Variants in VPS9D1 observed in about 807,000 individuals in gnomAD.
VPS9D1 encodes VPS9 domain containing 1, also known as VPS9 domain-containing protein 1.
VPS9D1 carries 78 observed loss-of-function variants against 75.8 expected under a neutral mutation model. The observed-to-expected ratio is 1.03, with a 90% CI of 0.86 to 1.24. The LOEUF is 1.24. VPS9D1 is among the 50% of genes most tolerant of loss of function. The pLI is 0.00. For synonymous variants in VPS9D1, 481 were observed against 385.6 expected (o/e 1.25, Z -2.90); for missense variants, 1,057 against 847.7 (o/e 1.25, Z -3.07).
In VPS9D1 at chr16:89,707,513, G is replaced by A. The variant is rs1023386529; in HGVS notation, c.*348C>T. On this transcript the variant is annotated 3_prime_UTR_variant, in exon 15 of 15. Transcript: ENST00000389386. ...CCCCCTCTTCCCTGATGCTCCCCAGGAGCTGCCCCAGCCAGATGTTCATCG... is the reference window on the plus strand; with the variant it reads ...CCCCCTCTTCCCTGATGCTCCCCAGAAGCTGCCCCAGCCAGATGTTCATCG... 4.8e-6 allele frequency: 1 copy of A among 207,248 alleles called. No individual in the cohort carries two copies. The highest frequency in any genetic ancestry group is 9.7e-6 in the Non-Finnish European group (1 of 102,934). The allele number at this position is 207,248 out of a possible 1,614,324, so 12.8% of individuals were successfully genotyped here. A position where few individuals can be genotyped will look rare whatever the true frequency, so the allele number is the denominator to read the frequency against.
In VPS9D1 at chr16:89,716,583, T is replaced by C. The variant is rs769487104; in HGVS notation, c.310A>G (p.Ile104Val). 1.9e-6 allele frequency: 3 copies of C among 1,613,640 alleles called. No homozygotes were observed. The highest frequency in any genetic ancestry group is 2.7e-5 in the African/African-American group (2 of 74,890). The change falls in exon 4 of 15, where the codon ATT (isoleucine) becomes GTT (valine). Residue 104 changes from isoleucine (I) to valine (V), a missense_variant. By Grantham distance (29) the Ile-to-Val change is conservative. Transcript: ENST00000389386. The stretch of plus-strand genomic sequence containing the variant: ...CGGTGTCGGCCGGCAGGCTGGGGAA[T>C]GGGAGCAGCTGCAGGCATGGTTGGC... ...LKPTMPAAAP[I>V]PQPAGRHRRV...
In VPS9D1 at chr16:89,712,664, C is replaced by T. The variant is rs760705655; in HGVS notation, c.484G>A (p.Ala162Thr). The stretch of plus-strand genomic sequence containing the variant: ...AGCCGCGCCATTCGGGCCTCATACG[C>T]AGCCTTCAGCTTCTGATTCTGCAGG... ...ASLQNQKLKA[A>T]YEARMARLDP... Residue 162 changes from alanine (A) to threonine (T), a missense_variant, in exon 5 of 15, where the codon GCG (alanine) becomes ACG (threonine). Transcript: ENST00000389386. 6 of 1,612,182 alleles carry T rather than the reference C, an allele frequency of 3.7e-6. No individual in the cohort carries two copies. Among genetic ancestry groups the T allele is most frequent in the East Asian group, 2.2e-5 (1 of 44,834 alleles).
rs1000392219 is a variant in VPS9D1, at chr16:89,709,819, G to A, written c.1346C>T (p.Pro449Leu). 3.1e-6 allele frequency: 5 copies of A among 1,613,608 alleles called. No homozygotes were observed. Among genetic ancestry groups the A allele is most frequent in the Admixed American group, 3.3e-5 (2 of 59,990 alleles). The change falls in exon 11 of 15, where the codon CCC (proline) becomes CTC (leucine). Residue 449 changes from proline (P) to leucine (L), a missense_variant. Coordinates refer to ENST00000389386, the MANE Select transcript of VPS9D1 (RefSeq NM_004913.3). ...CAGAGGCCACAGCGGGGAGAAAAAG[G>A]GTTCCTCAATGCAGGCCAGGCAGCG... is the stretch of plus-strand genomic sequence containing the variant. ...KDRCLACIEEPFFSPLWPLLL... is the reference protein window; with the variant it reads ...KDRCLACIEELFFSPLWPLLL...
intron 3 of VPS9D1, 31 bp from the exon 4 acceptor site, chr16:89,716,655 G>T (rs368685570): frequency 6.2e-7 from 1 of 1,608,088 alleles, no homozygotes; most frequent in South Asian, 1.1e-5. Context: ...GGGGTCAAGC[G>T]GTGGGCCACA....
At chr16:89,712,547 C>T (rs1262738310) in intron 5 of VPS9D1, 25 bp from the exon 6 acceptor site, 1 of 1,611,198 alleles carries the variant, frequency 6.2e-7, no homozygotes, top group Non-Finnish European at 8.5e-7. Flanking sequence ...GGGAGTAAGG[C>T]CGACTCCCCT....
chr16:89,711,223 A>G (rs2060910191), intron 9 of VPS9D1, 104 bp downstream of exon 9: 2 of 1,344,744 alleles, frequency 1.5e-6, no homozygotes, highest in African/African-American at 1.5e-5. Flanking sequence ...GTGGCCGGGC[A>G]CAGGCTCCCT....
At position 89,710,686 on chromosome 16, in the gene VPS9D1, G is replaced by C. The variant is rs764764650; in HGVS notation, c.1158C>G (p.Phe386Leu). Residue 386 changes from phenylalanine to leucine, a missense_variant, in exon 10 of 15, where the codon TTC becomes TTG. Phe to Leu is a conservative substitution (Grantham distance 22). Transcript: ENST00000389386. ...GGCCCTGCCGCTCAGACGTCCCCAG[G>C]AACTGCTCCAGGTCCTCGAACGAGC... ...KDSSFEDLEQ[F>L]LGTSERQGRG... 3 of 1,611,298 alleles carry C rather than the reference G, an allele frequency of 1.9e-6. No homozygotes were observed. Among genetic ancestry groups the C allele is most frequent in the East Asian group, 4.5e-5 (2 of 44,844 alleles).
chr16:89,712,295 G>A (rs1255383238), intron 6 of VPS9D1, 165 bp downstream of exon 6: 13 of 1,321,082 alleles, frequency 9.8e-6, no homozygotes, highest in Admixed American at 9.6e-5. Context: ...GGGGGACGGC[G>A]GCCGGGCCTT....
Position 89,709,210 on chromosome 16 carries a change from C to G in VPS9D1, c.1597+17G>C, listed in dbSNP as rs374742617. On this transcript the variant is annotated intron_variant, in intron 12 of 14. Transcript: ENST00000389386. The stretch of plus-strand genomic sequence containing the variant: ...GATGGGAGCCTGTCCCTCCCCCTGA[C>G]TCTCGAACCTGCTGACCTATGCACT... 1.9e-6 allele frequency: 3 copies of G among 1,611,752 alleles called. No individual in the cohort carries two copies. Among genetic ancestry groups the G allele is most frequent in the Non-Finnish European group, 2.5e-6 (3 of 1,179,956 alleles).
chr16:89,711,999 G>C (rs941161033), intron 7 of VPS9D1, 30 bp from the exon 8 acceptor site: 14 of 1,549,442 alleles, frequency 9.0e-6, no homozygotes, highest in Non-Finnish European at 1.2e-5. Context: ...GTGGGTGCCG[G>C]GGCCAGGCCC....
At chr16:89,709,021 C>CCA in intron 12 of VPS9D1, 65 bp from the exon 13 acceptor site, 1 of 1,435,340 alleles carries the variant, frequency 7.0e-7, no homozygotes, top group African/African-American at 1.5e-5. Context: ...ACCCCTTATA[C>CCA]CCCGCCCACC....
intron 8 of VPS9D1, 74 bp downstream of exon 8, chr16:89,711,808 C>T: frequency 2.0e-6 from 3 of 1,487,458 alleles, no homozygotes; most frequent in East Asian, 5.0e-5. Flanking sequence ...CCCACGGGGG[C>T]CCACCCAGGC....
At chr16:89,716,387 T>C in intron 4 of VPS9D1, 75 bp downstream of exon 4, 32 of 1,575,672 alleles carry the variant, frequency 2.0e-5, no homozygotes, top group Middle Eastern at 1.8e-4. Context: ...AAAAAATCGC[T>C]GTCATCAGCT....
rs910523233 is a variant in VPS9D1, at chr16:89,712,270, C to T, written c.607-171G>A. 12 of 1,321,068 alleles carry T rather than the reference C, an allele frequency of 9.1e-6. No homozygotes were observed. In the Middle Eastern group the frequency reaches 7.8e-4, roughly 86 times the overall value. 81.8% of individuals were successfully genotyped at this position (1,321,068 alleles called of 1,614,324 possible). On this transcript the variant is annotated intron_variant, in intron 6 of 14. Transcript: ENST00000389386. Reference sequence around the variant, plus strand: ...CAGCCTGCGCTCAAGCCAGGAGGGCCGGGCCAGAGAACATGGGGGACGGCG... The same window carrying T: ...CAGCCTGCGCTCAAGCCAGGAGGGCTGGGCCAGAGAACATGGGGGACGGCG...
chr16:89,716,154 C>G (rs988541166), intron 4 of VPS9D1, among the ~76,000 whole-genome samples: 1 of 152,024 alleles, frequency 6.6e-6, no homozygotes, highest in Non-Finnish European at 1.5e-5. Context: ...ATCACGAGGT[C>G]AGGAGATCGA....
In VPS9D1 at chr16:89,707,907, G is replaced by T. The variant is rs1401316215; in HGVS notation, c.1850C>A (p.Ala617Asp). 1.2e-6 allele frequency: 2 copies of T among 1,613,164 alleles called. No homozygotes were observed. The highest frequency in any genetic ancestry group is 1.7e-6 in the Non-Finnish European group (2 of 1,179,968). ...GGGCAGCAGCTCCACGTAGCTCAGG[G>T]CACTCTGCAGTGATGTGAGGCAGTA... Reference protein sequence around the residue: ...EGYCLTSLQSALSYVELLPRG... With the variant: ...EGYCLTSLQSDLSYVELLPRG... The change falls in exon 15 of 15, where the codon GCC (alanine) becomes GAC (aspartate). Residue 617 changes from alanine (A) to aspartate (D), a missense_variant. Physicochemically the swap from Ala to Asp is moderately radical, Grantham distance 126 (BLOSUM62 -2). Coordinates refer to ENST00000389386, the MANE Select transcript of VPS9D1 (RefSeq NM_004913.3).
At position 89,707,368 on chromosome 16, in the gene VPS9D1, C is replaced by T. The variant is rs1326267158; in HGVS notation, c.*493G>A. On this transcript the variant is annotated 3_prime_UTR_variant, in exon 15 of 15. Transcript: ENST00000389386. ...CCCTGACACCAGCTGCACCCCAGGC[C>T]CCAGCCGGCCCTTGTTCCTGACCCA... The T allele has an allele frequency of 6.4e-6, 1 of 155,252 alleles. No individual in the cohort carries two copies. The highest frequency in any genetic ancestry group is 1.4e-5 in the Non-Finnish European group (1 of 70,030). 9.6% of individuals were successfully genotyped at this position (155,252 alleles called of 1,614,324 possible).
Position 89,707,969 on chromosome 16 carries a change from G to C in VPS9D1, c.1803-15C>G. ...CGATCAGGTACCTGCATGGATGGCA[G>C]GGGCAGCCGGTGTCATCTGAACGAA... On this transcript the variant is annotated splice_polypyrimidine_tract_variant and intron_variant, in intron 14 of 14. Coordinates refer to ENST00000389386, the MANE Select transcript of VPS9D1 (RefSeq NM_004913.3). 2.5e-6 allele frequency: 4 copies of C among 1,611,338 alleles called. No individual in the cohort carries two copies. The highest frequency in any genetic ancestry group is 1.1e-5 in the South Asian group (1 of 91,054).
chr16:89,709,916 A>T lies in VPS9D1; in HGVS notation c.1259-10T>A. On this transcript the variant is annotated splice_polypyrimidine_tract_variant and intron_variant, in intron 10 of 14. Transcript: ENST00000389386. ...AGCGAGAGCAGCCTGTCTGCTAGGA[A>T]CAGAGCCGGGGACGTCCACAGAGGC... 1 of 1,599,120 alleles carries T rather than the reference A, an allele frequency of 6.3e-7. No homozygotes were observed. Among genetic ancestry groups the T allele is most frequent in the Middle Eastern group, 1.7e-4 (1 of 5,954 alleles).
Sources: allele counts gnomAD v4.1 joint callset (sites outside exome capture counted in the v4.1 genomes callset), GRCh38; gene constraint gnomAD v4.1.1; transcripts MANE v1.5; gene names NCBI Gene and HGNC (gene_info 2026-07-23, HGNC 2026-07-21).